Variants in F8 observed in about 807,000 individuals in gnomAD.
F8 encodes coagulation factor VIII, also known as antihemophilic factor.
Under a neutral mutation model 140.6 loss-of-function variants are expected in F8, and 12 were observed. The observed-to-expected ratio is 0.09, with a 90% CI of 0.05 to 0.14. The LOEUF (loss-of-function observed/expected upper bound fraction) is 0.14. Ranked by LOEUF, F8 falls within the 10% of genes least tolerant of loss-of-function variation. The pLI is 1.00. For missense variants in F8, 1,354 were observed against 1,720.7 expected (o/e 0.79, Z 3.77); for synonymous variants, 585 against 614.6 (o/e 0.95, Z 0.71).
intron 14 of F8, among the ~76,000 whole-genome samples, chrX:154,912,052 T>C (rs2073071398): frequency 8.9e-6 from 1 of 112,205 alleles, no homozygotes; most frequent in African/African-American, 3.2e-5. Flanking sequence ...GATCCTTTGC[T>C]TTTTTGCCAT....
chrX:154,863,261 G>A (rs781872734), intron 22 of F8, 34 bp from the exon 23 acceptor site: 3 of 1,189,329 alleles, frequency 2.5e-6, no homozygotes, highest in Middle Eastern at 2.3e-4. Flanking sequence ...TACATGGAAA[G>A]TGAATACAGA....
At chrX:155,010,706 T>C (rs1321504726) in intron 1 of F8, among the ~76,000 whole-genome samples, 1 of 110,336 alleles carries the variant, frequency 9.1e-6, no homozygotes, top group Non-Finnish European at 1.9e-5. Context: ...ATATACACAG[T>C]GTATTAAGTA....
intron 14 of F8, among the ~76,000 whole-genome samples, chrX:154,914,721 C>T (rs2073086073): frequency 8.9e-6 from 1 of 112,150 alleles, no homozygotes; most frequent in Non-Finnish European, 1.9e-5. Flanking sequence ...TTCAATGATT[C>T]TCTAGGAAGT....
chrX:154,876,340 C>A (rs1160988952), intron 22 of F8, among the ~76,000 whole-genome samples: 1 of 110,373 alleles, frequency 9.1e-6, no homozygotes, highest in Non-Finnish European at 1.9e-5. Context: ...AGGATGGTCT[C>A]AATCTCCTGA....
intron 25 of F8, among the ~76,000 whole-genome samples, chrX:154,859,183 C>G (rs948409259): frequency 2.1e-4 from 24 of 111,785 alleles, no homozygotes; most frequent in African/African-American, 1.6e-4. Context: ...GAGAGAGAGA[C>G]AGACAGACAG....
chrX:155,002,992 C>T (rs186263797), intron 1 of F8, among the ~76,000 whole-genome samples: 1 of 111,511 alleles, frequency 9.0e-6, no homozygotes, highest in East Asian at 2.8e-4. Flanking sequence ...TCACTATGGG[C>T]CTATTTACTG....
intron 22 of F8, among the ~76,000 whole-genome samples, chrX:154,878,416 C>T (rs2072833878): frequency 1.2e-5 from 1 of 85,041 alleles, no homozygotes; most frequent in African/African-American, 5.0e-5. Context: ...AAGCTGAGCA[C>T]CTTTTCATGA....
At chrX:154,877,120 T>C (rs2072822660) in intron 22 of F8, among the ~76,000 whole-genome samples, 1 of 112,386 alleles carries the variant, frequency 8.9e-6, no homozygotes. Context: ...GATCATTAAC[T>C]TGTGACTAAA....
intron 18 of F8, among the ~76,000 whole-genome samples, chrX:154,902,903 A>G (rs1362864059): frequency 8.9e-6 from 1 of 112,233 alleles, no homozygotes; most frequent in Admixed American, 9.4e-5. Context: ...ATCACAAGGT[A>G]CAGAAACAGA....
intron 6 of F8, among the ~76,000 whole-genome samples, chrX:154,978,805 G>A (rs1308763675): frequency 9.0e-6 from 1 of 110,590 alleles, no homozygotes; most frequent in Non-Finnish European, 1.9e-5. Flanking sequence ...AGAGCACTTC[G>A]GTTTTGATTC....
chrX:154,905,082 T>C, intron 15 of F8, 59 bp from the exon 16 acceptor site: 1 of 959,485 alleles, frequency 1.0e-6, no homozygotes, highest in Non-Finnish European at 1.5e-6. Context: ...GATCTTAAGG[T>C]CCTTAGGGTT....
chrX:154,951,717 T>C (rs2073338813), intron 12 of F8, among the ~76,000 whole-genome samples: 1 of 110,685 alleles, frequency 9.0e-6, no homozygotes, highest in African/African-American at 3.3e-5. Context: ...CCCTCTGTCT[T>C]AGCATCTTTC....
intron 22 of F8, among the ~76,000 whole-genome samples, chrX:154,864,817 A>T (rs1217170822): frequency 4.5e-5 from 5 of 111,589 alleles, no homozygotes; most frequent in Non-Finnish European, 9.4e-5. Flanking sequence ...AAGAACAATG[A>T]GAAAGAGTGA....
chrX:154,842,471 G>A (rs187626441), intron 25 of F8, among the ~76,000 whole-genome samples: 42 of 111,444 alleles, frequency 3.8e-4, no homozygotes, highest in African/African-American at 9.7e-4. Flanking sequence ...TGTTTTTAAC[G>A]CTATACATTT....
chrX:154,965,040 C>A (rs781889343), intron 9 of F8, among the ~76,000 whole-genome samples: 1 of 111,667 alleles, frequency 9.0e-6, no homozygotes. Flanking sequence ...TACAAGCAGG[C>A]AATTCACAGA....
intron 22 of F8, among the ~76,000 whole-genome samples, chrX:154,876,115 A>ATTTTTTTTTTTTTTTTTTTTT (rs58675912): frequency 1.2e-5 from 1 of 81,471 alleles, no homozygotes; most frequent in African/African-American, 6.1e-5. Context: ...TATCATGGGA[A>ATTTTTTTTTTTTTTTTTTTTT]TTTTTTTTTT....
At chrX:155,021,345 A>G (rs2073759541) in intron 1 of F8, among the ~76,000 whole-genome samples, 1 of 111,616 alleles carries the variant, frequency 9.0e-6, no homozygotes, top group South Asian at 3.7e-4. Flanking sequence ...AAGAATATAA[A>G]GTATGTACAA....
At chrX:154,934,524 C>A (rs2073213931) in intron 13 of F8, among the ~76,000 whole-genome samples, 1 of 111,753 alleles carries the variant, frequency 8.9e-6, no homozygotes, top group African/African-American at 3.3e-5. Context: ...ACACAAGTCT[C>A]AAAAGGTAGG....
intron 14 of F8, among the ~76,000 whole-genome samples, chrX:154,914,155 G>A (rs1248308898): frequency 1.8e-5 from 2 of 112,859 alleles, no homozygotes; most frequent in African/African-American, 6.4e-5. Context: ...TATAGCCCAA[G>A]CTGTACTTTG....
Sources: gnomAD v4.1 joint callset for allele counts (sites outside exome capture counted in the v4.1 genomes callset) on GRCh38, gnomAD v4.1.1 for gene constraint, MANE v1.5 for transcripts, NCBI Gene and HGNC (gene_info 2026-07-23, HGNC 2026-07-21) for gene names.